Variants in CADM2 observed in about 807,000 individuals in gnomAD.
CADM2 encodes cell adhesion molecule 2, also known as immunoglobulin superfamily member 4D.
Under a neutral mutation model 49.8 loss-of-function variants are expected in CADM2, and 12 were observed. The observed-to-expected ratio is 0.24, with a 90% CI of 0.15 to 0.39. The LOEUF is 0.39. CADM2 is among the 10% of genes least tolerant of loss of function. The pLI is 1.00. For synonymous variants in CADM2, 214 were observed against 175.4 expected, an observed-to-expected ratio of 1.22 and a Z score of -1.74; for missense variants, 378 against 492.3, an observed-to-expected ratio of 0.77 and a Z score of 2.20.
intron 1 of CADM2, among the ~76,000 whole-genome samples, chr3:84,990,223 T>C (rs2032803990): frequency 6.6e-6 from 1 of 151,552 alleles, no homozygotes; most frequent in Admixed American, 6.6e-5. Context: ...CAATATATTA[T>C]AGGTACCTCT....
intron 1 of CADM2, among the ~76,000 whole-genome samples, chr3:85,299,389 G>A (rs1417307953): frequency 6.6e-6 from 1 of 152,034 alleles, no homozygotes; most frequent in African/African-American, 2.4e-5. Context: ...ATGCAGACAT[G>A]TCAGTTCTTT....
intron 1 of CADM2, among the ~76,000 whole-genome samples, chr3:85,530,481 C>A (rs1559889875): frequency 6.6e-6 from 1 of 151,934 alleles, no homozygotes; most frequent in Non-Finnish European, 1.5e-5. Context: ...CAGGCGCCCG[C>A]CACCACACCC....
chr3:85,754,311 T>C (rs1236105275), intron 2 of CADM2, among the ~76,000 whole-genome samples: 1 of 152,094 alleles, frequency 6.6e-6, no homozygotes, highest in Non-Finnish European at 1.5e-5. Flanking sequence ...AATTATTCTT[T>C]TAGACAGTGA....
At chr3:85,358,715 C>T (rs928380593) in intron 1 of CADM2, among the ~76,000 whole-genome samples, 10 of 152,086 alleles carry the variant, frequency 6.6e-5, no homozygotes, top group Non-Finnish European at 1.2e-4. Flanking sequence ...TTATGTGTAA[C>T]GTCCTCAAGA....
chr3:85,905,267 G>A (rs1716645506), intron 5 of CADM2, among the ~76,000 whole-genome samples: 1 of 152,074 alleles, frequency 6.6e-6, no homozygotes, highest in Non-Finnish European at 1.5e-5. Flanking sequence ...ATATAGATCT[G>A]CGTAAAAGAA....
At chr3:85,026,077 A>G (rs144835459) in intron 1 of CADM2, among the ~76,000 whole-genome samples, 1 of 152,214 alleles carries the variant, frequency 6.6e-6, no homozygotes, top group Non-Finnish European at 1.5e-5. Flanking sequence ...AATGAAGCTC[A>G]TTTTAAGTCA....
chr3:85,288,793 C>CCA (rs1553704690), intron 1 of CADM2, among the ~76,000 whole-genome samples: 2 of 136,242 alleles, frequency 1.5e-5, no homozygotes, highest in Non-Finnish European at 3.2e-5. Context: ...TGCCCCCCCC[C>CCA]CCTCTTTTTT....
At chr3:85,091,216 A>G (rs543252255) in intron 1 of CADM2, among the ~76,000 whole-genome samples, 2 of 152,294 alleles carry the variant, frequency 1.3e-5, no homozygotes, top group East Asian at 1.9e-4. Context: ...CAATGACTTG[A>G]AAAGTGAGAA....
intron 1 of CADM2, among the ~76,000 whole-genome samples, chr3:85,538,579 C>G (rs11127898): frequency 0.61 from 92,740 of 151,944 alleles, 29,362 homozygotes; most frequent in East Asian, 0.93. Context: ...TGCTGGGAAA[C>G]ATTTCAAAGT....
chr3:85,648,753 C>T (rs1211589407), intron 1 of CADM2, among the ~76,000 whole-genome samples: 1 of 152,032 alleles, frequency 6.6e-6, no homozygotes, highest in Non-Finnish European at 1.5e-5. Context: ...GTTTTACACA[C>T]ATTACAAGAG....
intron 1 of CADM2, among the ~76,000 whole-genome samples, chr3:85,133,173 G>A (rs1003194170): frequency 7.2e-5 from 11 of 152,220 alleles, no homozygotes; most frequent in Admixed American, 3.3e-4. Flanking sequence ...TGGACCCAAA[G>A]AGTGAGCAGC....
chr3:86,051,736 G>A (rs780543036), intron 8 of CADM2, among the ~76,000 whole-genome samples: 4 of 152,136 alleles, frequency 2.6e-5, no homozygotes, highest in Non-Finnish European at 5.9e-5. Flanking sequence ...GCAGGTGCAG[G>A]AGGAAGAGAG....
chr3:85,230,771 T>C (rs924992249), intron 1 of CADM2, among the ~76,000 whole-genome samples: 1 of 152,032 alleles, frequency 6.6e-6, no homozygotes, highest in African/African-American at 2.4e-5. Flanking sequence ...CAAGAAAGAG[T>C]TGTTTTTTTG....
At chr3:85,959,542 C>A (rs1181028577) in intron 7 of CADM2, among the ~76,000 whole-genome samples, 2 of 151,852 alleles carry the variant, frequency 1.3e-5, no homozygotes, top group South Asian at 4.1e-4. Context: ...GCAAAAGATT[C>A]TCCTATCATG....
chr3:86,060,756 G>C lies in CADM2; in HGVS notation c.971-4849G>C, dbSNP rs541749664. Among the ~76,000 whole-genome samples the C allele has an allele frequency of 8.5e-5, 13 of 152,158 alleles. No homozygotes were observed. The South Asian group carries it at 2.7e-3, about 32-fold the overall frequency. ...CCCAGCACTTTTGGAGGCTGAGGTG[G>C]GCAGATCACGAGGTCAGGAGTTCAA... On this transcript the variant is annotated intron_variant, in intron 8 of 9. Coordinates refer to ENST00000383699, the MANE Select transcript of CADM2 (RefSeq NM_001167675.2).
At position 85,504,729 on chromosome 3, in the gene CADM2, G is replaced by A. The variant is rs535315547; in HGVS notation, c.62-221793G>A. Among the ~76,000 whole-genome samples the A allele has an allele frequency of 4.9e-3, 750 of 152,286 alleles. 9 individuals carry two copies. Among genetic ancestry groups the A allele is most frequent in the African/African-American group, 0.017 (718 of 41,570 alleles). ...GACTGGGCTCCGTGGAGCAGGGGGC[G>A]GCGCTCATCGGGGAGGCTCGGGCCG... On this transcript the variant is annotated intron_variant, in intron 1 of 9. Transcript: ENST00000383699.
intron 5 of CADM2, among the ~76,000 whole-genome samples, chr3:85,908,646 C>G (rs568784597): frequency 1.3e-5 from 2 of 151,804 alleles, no homozygotes; most frequent in African/African-American, 2.4e-5. Context: ...TTAAATGTAT[C>G]GACATTCAGC....
intron 2 of CADM2, among the ~76,000 whole-genome samples, chr3:85,768,733 A>C (rs1414057364): frequency 7.5e-6 from 1 of 133,516 alleles, no homozygotes; most frequent in Non-Finnish European, 1.5e-5. Flanking sequence ...GTATATATAC[A>C]CATATATACA....
rs547130584 is a variant in CADM2 at position 85,793,020 on chromosome 3, C to T, written c.89-9027C>T. 2.6e-5 allele frequency among the ~76,000 whole-genome samples: 4 copies of T among 152,118 alleles called. No homozygotes were observed. The South Asian group carries it at 8.3e-4, about 32-fold the overall frequency. On this transcript the variant is annotated intron_variant, in intron 2 of 9. Transcript: ENST00000383699. ...TGAGGGAGGGACAGCTCTTAACTAA[C>T]TGAGGTCAACAGGAGTCAAGACTCA...
Sources: allele counts gnomAD v4.1 joint callset (sites outside exome capture counted in the v4.1 genomes callset), GRCh38; gene constraint gnomAD v4.1.1; transcripts MANE v1.5; gene names NCBI Gene and HGNC (gene_info 2026-07-23, HGNC 2026-07-21).